PCDHGB2: variants seen among roughly 807,000 people sequenced by gnomAD.
PCDHGB2 encodes the protein protocadherin gamma-B2.
PCDHGB2 carries 55 observed loss-of-function variants against 59.3 expected under a neutral mutation model. The observed-to-expected ratio is 0.93, with a 90% CI of 0.75 to 1.16. The LOEUF is 1.16. Ranked by LOEUF, PCDHGB2 falls within the 50% of genes most tolerant of loss-of-function variation. The pLI is 0.00. For synonymous variants in PCDHGB2, 516 were observed against 512.0 expected (o/e 1.01, Z -0.11); for missense variants, 1,228 against 1,198.5 (o/e 1.02, Z -0.36).
chr5:141,393,264 C>T, intron 1 of PCDHGB2: 1 of 1,613,916 alleles, frequency 6.2e-7, no homozygotes, highest in Non-Finnish European at 8.5e-7. Flanking sequence ...TCCTGGAGCA[C>T]GTTATCCACT....
Position 141,365,063 on chromosome 5 carries a change from T to C in PCDHGB2, c.2421+2507T>C, listed in dbSNP as rs757924486. On this transcript the variant is annotated intron_variant, in intron 1 of 3. Coordinates refer to ENST00000522605, the MANE Select transcript of PCDHGB2 (RefSeq NM_018923.3). ...CGACAATGCGCCCCTGTTCACCCCATCCGAGTACAGCGTGAGTGTTCCAGA... is the reference window on the plus strand; with the variant it reads ...CGACAATGCGCCCCTGTTCACCCCACCCGAGTACAGCGTGAGTGTTCCAGA... The C allele has an allele frequency of 6.8e-6, 11 of 1,613,692 alleles. No homozygotes were observed. Among genetic ancestry groups the C allele is most frequent in the Non-Finnish European group, 9.3e-6 (11 of 1,179,886 alleles).
intron 1 of PCDHGB2, chr5:141,404,765 T>A: frequency 6.2e-7 from 1 of 1,613,120 alleles, no homozygotes; most frequent in Non-Finnish European, 8.5e-7. Context: ...TGCTTGGCTC[T>A]CCTACCGCCT....
chr5:141,423,875 A>G (rs1354115544), intron 1 of PCDHGB2: 8 of 1,282,448 alleles, frequency 6.2e-6, no homozygotes, highest in African/African-American at 3.1e-5. Context: ...TCATTTTTCA[A>G]TCTTGGCATA....
intron 1 of PCDHGB2, among the ~76,000 whole-genome samples, chr5:141,463,797 T>C (rs58523023): frequency 0.28 from 42,459 of 152,012 alleles, 6,656 homozygotes; most frequent in African/African-American, 0.43. Flanking sequence ...TGAACAAATG[T>C]CTAAAAGCTT....
intron 1 of PCDHGB2, among the ~76,000 whole-genome samples, chr5:141,452,068 A>G (rs554365813): frequency 1.1e-3 from 160 of 152,308 alleles, no homozygotes; most frequent in Middle Eastern, 6.8e-3. Flanking sequence ...TTCTACTTTT[A>G]TTAGTTGGCA....
chr5:141,462,198 G>C (rs2099034283), intron 1 of PCDHGB2, among the ~76,000 whole-genome samples: 1 of 152,182 alleles, frequency 6.6e-6, no homozygotes, highest in Non-Finnish European at 1.5e-5. Context: ...GACCTCAGGT[G>C]ATCCGCCTGC....
chr5:141,484,647 G>C (rs556711906), intron 1 of PCDHGB2, among the ~76,000 whole-genome samples: 1 of 151,948 alleles, frequency 6.6e-6, no homozygotes, highest in African/African-American at 2.4e-5. Context: ...CTCTCCAATG[G>C]CTACTCTCCC....
chr5:141,477,378 C>A lies in PCDHGB2; in HGVS notation c.2422-17429C>A. On this transcript the variant is annotated intron_variant, in intron 1 of 3. Coordinates refer to ENST00000522605, the MANE Select transcript of PCDHGB2 (RefSeq NM_018923.3). This position sits in a 1 kb window ranked among gnomAD's most constrained non-coding sequence, Gnocchi z 4.9. ...GCAGACCTGGATCGGGAGACTGTGC[C>A]AGAATACAACCTCAGCATCACCGCC... 2 of 1,614,136 alleles carry A rather than the reference C, an allele frequency of 1.2e-6. No homozygotes were observed. Among genetic ancestry groups the A allele is most frequent in the Non-Finnish European group, 1.7e-6 (2 of 1,180,034 alleles).
rs757947581 is a variant in PCDHGB2 at position 141,361,996 on chromosome 5, T to G, written c.1861T>G (p.Leu621Val). 7 of 1,603,066 alleles carry G rather than the reference T, an allele frequency of 4.4e-6. No individual in the cohort carries two copies. The African/African-American group carries it at 8.0e-5, about 18-fold the overall frequency. ...CGAGCCCGGGCTCTTCAGCCTGGGG[T>G]TGCGCACGGGTGAGGTGCGCACAGC... is the stretch of plus-strand genomic sequence containing the variant. Reference protein sequence around the residue: ...ASEPGLFSLGLRTGEVRTARA... With the variant: ...ASEPGLFSLGVRTGEVRTARA... The change falls in exon 1 of 4, where the codon TTG becomes GTG. Residue 621 changes from leucine to valine, a missense_variant. By Grantham distance (32) the Leu-to-Val change is conservative. Transcript: ENST00000522605.
intron 1 of PCDHGB2, among the ~76,000 whole-genome samples, chr5:141,481,789 T>TAAAAATAC (rs972511310): frequency 3.3e-5 from 5 of 151,186 alleles, no homozygotes; most frequent in African/African-American, 1.2e-4. Flanking sequence ...CCGTCTCTAC[T>TAAAAATAC]AAAAATACAA....
intron 1 of PCDHGB2, among the ~76,000 whole-genome samples, chr5:141,492,632 C>T (rs1359761285): frequency 1.3e-5 from 2 of 152,256 alleles, no homozygotes; most frequent in Admixed American, 1.3e-4. Context: ...CAGGACTCTA[C>T]GATCCTTGGG....
At chr5:141,365,450 G>C (rs763661542) in intron 1 of PCDHGB2, 2 of 1,614,010 alleles carry the variant, frequency 1.2e-6, no homozygotes, top group South Asian at 2.2e-5. Flanking sequence ...CGTACATGAT[G>C]GTGATTCTGG....
chr5:141,438,685 G>A (rs2098051190), intron 1 of PCDHGB2, among the ~76,000 whole-genome samples: 1 of 143,314 alleles, frequency 7.0e-6, no homozygotes, highest in Non-Finnish European at 1.5e-5. Context: ...GTAGGGGATG[G>A]AGTCTTGCTC....
At position 141,432,252 on chromosome 5, in the gene PCDHGB2, G is replaced by A. The variant is rs749107567; in HGVS notation, c.2422-62555G>A. 3.7e-6 allele frequency: 6 copies of A among 1,614,220 alleles called. No homozygotes were observed. The highest frequency in any genetic ancestry group is 5.1e-6 in the Non-Finnish European group (6 of 1,180,042). ...TCCCTGGCTGAGAACACCATCCAAG[G>A]GGCAAGCCTATCGTCCTACGTGTCC... On this transcript the variant is annotated intron_variant, in intron 1 of 3. Coordinates refer to ENST00000522605, the MANE Select transcript of PCDHGB2 (RefSeq NM_018923.3). The surrounding 1 kb of genome is among the most constrained non-coding windows in gnomAD (Gnocchi z 6.0).
rs775312856 is a variant in PCDHGB2, at chr5:141,485,899, C to G, written c.2422-8908C>G. 1.9e-6 allele frequency: 3 copies of G among 1,614,166 alleles called. No homozygotes were observed. Among genetic ancestry groups the G allele is most frequent in the Non-Finnish European group, 2.5e-6 (3 of 1,180,032 alleles). ...ACGTAAACGACAACGCCCCAGCCTT[C>G]CAGCAATCCAGCTACAGGATTAGTG... On this transcript the variant is annotated intron_variant, in intron 1 of 3. Transcript: ENST00000522605. The surrounding 1 kb of genome is among the most constrained non-coding windows in gnomAD (Gnocchi z 5.7).
At chr5:141,415,071 G>A (rs757356726) in intron 1 of PCDHGB2, 21 of 1,613,422 alleles carry the variant, frequency 1.3e-5, no homozygotes, top group East Asian at 2.2e-5. Flanking sequence ...AGGTGCGCAC[G>A]GCGCGAGCCC....
At chr5:141,404,888 G>A (rs778498828) in intron 1 of PCDHGB2, 9 of 1,613,762 alleles carry the variant, frequency 5.6e-6, no homozygotes, top group East Asian at 2.2e-5. Context: ...TGTGGTGGCT[G>A]TACAGGACCA....
chr5:141,398,937 C>A, intron 1 of PCDHGB2: 1 of 1,613,902 alleles, frequency 6.2e-7, no homozygotes. Context: ...CTGACCAAGA[C>A]GAGGGCATCA....
At position 141,432,552 on chromosome 5, in the gene PCDHGB2, C is replaced by G. The variant is rs1181931321; in HGVS notation, c.2422-62255C>G. ...AAGGTGGTGGCGGTGGACAGAGACT[C>G]CGGCCAGAACGCCTGGCTGTCCTAC... On this transcript the variant is annotated intron_variant, in intron 1 of 3. Coordinates refer to ENST00000522605, the MANE Select transcript of PCDHGB2 (RefSeq NM_018923.3). The surrounding 1 kb of genome is among the most constrained non-coding windows in gnomAD (Gnocchi z 6.0). The G allele has an allele frequency of 6.2e-7, 1 of 1,613,970 alleles. No homozygotes were observed. The highest frequency in any genetic ancestry group is 1.1e-5 in the South Asian group (1 of 91,064).
Sources: gnomAD v4.1 joint callset for allele counts (sites outside exome capture counted in the v4.1 genomes callset) on GRCh38, gnomAD v4.1.1 for gene constraint, Gnocchi (gnomAD v3.1) non-coding constraint, MANE v1.5 for transcripts, NCBI Gene and HGNC (gene_info 2026-07-23, HGNC 2026-07-21) for gene names.